PTPRQ: variants seen among roughly 807,000 people sequenced by gnomAD.
PTPRQ encodes protein tyrosine phosphatase receptor type Q, also known as phosphatidylinositol phosphatase PTPRQ.
In PTPRQ, 199 loss-of-function variants were observed where a neutral mutation model predicts 246.0. The observed-to-expected ratio is 0.81, with a 90% CI of 0.72 to 0.91. The LOEUF is 0.91. PTPRQ is among the 40% of genes least tolerant of loss of function. The pLI is 0.00. For missense variants in PTPRQ, 2,624 were observed against 2,528.4 expected (o/e 1.04, Z -0.81); for synonymous variants, 869 against 853.2 (o/e 1.02, Z -0.32).
At chr12:80,460,216 C>T (rs78545075) in intron 5 of PTPRQ, among the ~76,000 whole-genome samples, 538 of 152,220 alleles carry the variant, frequency 3.5e-3, no homozygotes, top group African/African-American at 0.012. Flanking sequence ...TTCTAATACA[C>T]GCACACACCT....
At chr12:80,600,176 G>A (rs1333180157) in intron 26 of PTPRQ, among the ~76,000 whole-genome samples, 1 of 151,892 alleles carries the variant, frequency 6.6e-6, no homozygotes, top group East Asian at 1.9e-4. Context: ...TATAATGATT[G>A]ATCAGTGCAA....
At chr12:80,536,846 A>T (rs1173225024) in intron 19 of PTPRQ, among the ~76,000 whole-genome samples, 1 of 152,202 alleles carries the variant, frequency 6.6e-6, no homozygotes. Flanking sequence ...TATGCATTTA[A>T]AAAACATTGC....
intron 13 of PTPRQ, 61 bp from the exon 14 acceptor site, chr12:80,496,189 G>A: frequency 1.3e-6 from 2 of 1,542,476 alleles, no homozygotes; most frequent in Non-Finnish European, 1.7e-6. Flanking sequence ...TACCTCTAGG[G>A]TCTAAAGCAA....
chr12:80,551,797 T>C (rs753462787), intron 25 of PTPRQ, among the ~76,000 whole-genome samples: 3 of 152,040 alleles, frequency 2.0e-5, no homozygotes, highest in Non-Finnish European at 2.9e-5. Flanking sequence ...TTCATTTATT[T>C]AGCATGCTAT....
intron 9 of PTPRQ, among the ~76,000 whole-genome samples, chr12:80,490,921 CT>C (rs1338383123): frequency 6.6e-6 from 1 of 151,796 alleles, no homozygotes; most frequent in Non-Finnish European, 1.5e-5. Flanking sequence ...AACCTAATGT[CT>C]TTTCTTAAGA....
intron 25 of PTPRQ, among the ~76,000 whole-genome samples, chr12:80,552,667 A>G (rs865972087): frequency 1.2e-4 from 14 of 113,638 alleles, no homozygotes; most frequent in Non-Finnish European, 2.1e-4. Flanking sequence ...ATATATATAT[A>G]TATATATATA....
At chr12:80,595,290 G>A (rs543731964) in intron 26 of PTPRQ, among the ~76,000 whole-genome samples, 2 of 152,072 alleles carry the variant, frequency 1.3e-5, no homozygotes, top group South Asian at 2.1e-4. Flanking sequence ...AGCCAGCCGC[G>A]CATGTCTTAT....
chr12:80,520,196 A>T (rs1229168070), intron 17 of PTPRQ, among the ~76,000 whole-genome samples: 1 of 152,054 alleles, frequency 6.6e-6, no homozygotes, highest in African/African-American at 2.4e-5. Flanking sequence ...GTTGAATTGT[A>T]TCTCCCATAA....
At chr12:80,565,505 A>G (rs1385877903) in intron 25 of PTPRQ, among the ~76,000 whole-genome samples, 3 of 151,624 alleles carry the variant, frequency 2.0e-5, no homozygotes, top group Non-Finnish European at 4.4e-5. Context: ...TTTTTTTCTT[A>G]TTCTCTTTTA....
chr12:80,567,674 C>G (rs1897019880), intron 25 of PTPRQ, among the ~76,000 whole-genome samples: 1 of 151,996 alleles, frequency 6.6e-6, no homozygotes, highest in Admixed American at 6.6e-5. Flanking sequence ...CATGAATATA[C>G]TATTATTAGT....
chr12:80,649,574 T>C lies in PTPRQ; in HGVS notation c.5943-14T>C. The C allele has an allele frequency of 1.3e-6, 2 of 1,549,994 alleles. No individual in the cohort carries two copies. Among genetic ancestry groups the C allele is most frequent in the Non-Finnish European group, 1.7e-6 (2 of 1,145,844 alleles). On this transcript the variant is annotated splice_polypyrimidine_tract_variant and intron_variant, in intron 36 of 44. Coordinates refer to ENST00000644991, the MANE Select transcript of PTPRQ (RefSeq NM_001145026.2). Reference sequence around the variant, plus strand: ...TCTAACATGACCCTATTTTATACCTTTCTTTACTTGGAGGCCAATAAGCAA... The same window carrying C: ...TCTAACATGACCCTATTTTATACCTCTCTTTACTTGGAGGCCAATAAGCAA...
intron 42 of PTPRQ, 63 bp from the exon 43 acceptor site, chr12:80,673,106 T>G: frequency 6.5e-7 from 1 of 1,538,578 alleles, no homozygotes. Context: ...TCATTATCTT[T>G]ATCCCCATCA....
chr12:80,660,232 A>G (rs1345355375), intron 39 of PTPRQ, among the ~76,000 whole-genome samples: 2 of 152,018 alleles, frequency 1.3e-5, no homozygotes, highest in Non-Finnish European at 2.9e-5. Flanking sequence ...TAGTGTTCAG[A>G]TAGAAACATG....
At chr12:80,564,155 A>G (rs760403068) in intron 25 of PTPRQ, among the ~76,000 whole-genome samples, 5 of 152,134 alleles carry the variant, frequency 3.3e-5, no homozygotes, top group Admixed American at 6.5e-5. Context: ...GGTTAGTTAC[A>G]TATGTATACA....
chr12:80,485,919 C>G (rs1157145126), intron 9 of PTPRQ, among the ~76,000 whole-genome samples: 1 of 151,980 alleles, frequency 6.6e-6, no homozygotes, highest in Non-Finnish European at 1.5e-5. Context: ...GTCTGCAATT[C>G]TCGTCTCATA....
intron 9 of PTPRQ, among the ~76,000 whole-genome samples, chr12:80,486,600 G>T (rs968326733): frequency 6.6e-6 from 1 of 152,082 alleles, no homozygotes; most frequent in African/African-American, 2.4e-5. Context: ...TTACAGGGTT[G>T]GGAGTAAATG....
chr12:80,542,284 T>C lies in PTPRQ; in HGVS notation c.3641T>C (p.Leu1214Ser). 6.5e-7 allele frequency: 1 copy of C among 1,550,062 alleles called. No individual in the cohort carries two copies. Among genetic ancestry groups the C allele is most frequent in the Non-Finnish European group, 8.7e-7 (1 of 1,146,394 alleles). ...IILEELSPFT[L>S]YSFFAAARTR... ...TTGGAAGAGCTTTCACCATTTACAT[T>C]ATATAGCTTTTTTGCTGCCGCAAGA... The change falls in exon 22 of 45, where the codon TTA (leucine) becomes TCA (serine). Residue 1214 changes from leucine (L) to serine (S), a missense_variant. Physicochemically the swap from Leu to Ser is moderately radical, Grantham distance 145 (BLOSUM62 -2). Coordinates refer to ENST00000644991, the MANE Select transcript of PTPRQ (RefSeq NM_001145026.2).
At chr12:80,663,580 C>T (rs1900697694) in intron 39 of PTPRQ, among the ~76,000 whole-genome samples, 2 of 151,948 alleles carry the variant, frequency 1.3e-5, no homozygotes. Flanking sequence ...GTCACTTTCT[C>T]TTGTTTCTTA....
At chr12:80,620,080 AAACAC>A in intron 31 of PTPRQ, 69 bp from the exon 32 acceptor site, 1 of 1,452,842 alleles carries the variant, frequency 6.9e-7, no homozygotes, top group Non-Finnish European at 9.1e-7. Flanking sequence ...ACAATTATAA[AAACAC>A]TATTTATAAT....
Sources: allele counts gnomAD v4.1 joint callset (sites outside exome capture counted in the v4.1 genomes callset), GRCh38; gene constraint gnomAD v4.1.1; transcripts MANE v1.5; gene names NCBI Gene and HGNC (gene_info 2026-07-23, HGNC 2026-07-21).